Variants in SYNDIG1L observed in about 807,000 individuals in gnomAD.
SYNDIG1L encodes synapse differentiation-inducing gene protein 1-like.
In SYNDIG1L, 13 loss-of-function variants were observed where a neutral mutation model predicts 20.1. That is an observed-to-expected ratio of 0.65 (90% CI 0.42 to 1.03). SYNDIG1L has a LOEUF of 1.03. SYNDIG1L is among the 50% of genes least tolerant of loss of function. The pLI, the probability that SYNDIG1L is intolerant of heterozygous loss-of-function variation, is 0.00. For missense variants in SYNDIG1L, 294 were observed against 305.1 expected, an observed-to-expected ratio of 0.96 and a Z score of 0.27; for synonymous variants, 128 against 129.3, an observed-to-expected ratio of 0.99 and a Z score of 0.07.
the SYNDIG1L span, among the ~76,000 whole-genome samples, chr14:74,456,991 T>C: frequency 6.6e-6 from 1 of 152,184 alleles, no homozygotes. Flanking sequence ...GGAGGCGTAT[T>C]TAATGGGTTT....
the SYNDIG1L span, among the ~76,000 whole-genome samples, chr14:74,477,039 AACACAC>A: frequency 0.01 from 1,008 of 96,938 alleles, 29 homozygotes; most frequent in East Asian, 0.034. Flanking sequence ...CCCCATTCCC[AACACAC>A]ACACACACAC....
At chr14:74,463,574 A>T in the SYNDIG1L span, among the ~76,000 whole-genome samples, 1 of 152,156 alleles carries the variant, frequency 6.6e-6, no homozygotes, top group East Asian at 1.9e-4. Context: ...TACCTCAGCT[A>T]AAAGACGAGG....
the SYNDIG1L span, chr14:74,471,836 T>C: frequency 1.3e-5 from 2 of 152,216 alleles, no homozygotes; most frequent in African/African-American, 2.4e-5. Flanking sequence ...CTTCAATTCA[T>C]ACAGGATCCT....
At chr14:74,463,742 T>C in the SYNDIG1L span, among the ~76,000 whole-genome samples, 1 of 152,150 alleles carries the variant, frequency 6.6e-6, no homozygotes, top group African/African-American at 2.4e-5. Flanking sequence ...GACTGTTCTG[T>C]CTCCTTTAAC....
chr14:74,450,265 C>T, the SYNDIG1L span, among the ~76,000 whole-genome samples: 2 of 152,104 alleles, frequency 1.3e-5, no homozygotes, highest in African/African-American at 4.8e-5. Flanking sequence ...CAGATGGCTT[C>T]TCTGGTGAAC....
chr14:74,461,333 A>G, the SYNDIG1L span, among the ~76,000 whole-genome samples: 1 of 152,038 alleles, frequency 6.6e-6, no homozygotes, highest in Non-Finnish European at 1.5e-5. Context: ...TACTTTTTTC[A>G]ATACAGCACC....
At chr14:74,433,084 TAAC>T in the SYNDIG1L span, among the ~76,000 whole-genome samples, 1 of 152,348 alleles carries the variant, frequency 6.6e-6, no homozygotes, top group Admixed American at 6.5e-5. Context: ...CATTTCATCT[TAAC>T]AATACTTCAT....
At chr14:74,434,615 G>A in the SYNDIG1L span, among the ~76,000 whole-genome samples, 2 of 151,994 alleles carry the variant, frequency 1.3e-5, no homozygotes, top group South Asian at 4.2e-4. Context: ...ACTGGGAGGG[G>A]AAAGTGAATG....
upstream of SYNDIG1L, among the ~76,000 whole-genome samples, chr14:74,428,095 G>A (rs2086279739): frequency 6.6e-6 from 1 of 152,252 alleles, no homozygotes; most frequent in African/African-American, 2.4e-5. Flanking sequence ...CAAGGGCCCT[G>A]GCCTGGTGCC....
the SYNDIG1L span, among the ~76,000 whole-genome samples, chr14:74,438,798 T>C: frequency 1.3e-5 from 2 of 152,228 alleles, no homozygotes; most frequent in Non-Finnish European, 2.9e-5. Flanking sequence ...TGCCACGTTC[T>C]GTACAAAGTA....
At chr14:74,425,024 G>T (rs1246936831) in intron 1 of SYNDIG1L, among the ~76,000 whole-genome samples, 1 of 152,164 alleles carries the variant, frequency 6.6e-6, no homozygotes, top group Non-Finnish European at 1.5e-5. Flanking sequence ...TGGAGGGTGG[G>T]GATAAAGCAG....
At chr14:74,425,006 T>A (rs1188943080) in intron 1 of SYNDIG1L, among the ~76,000 whole-genome samples, 1 of 152,080 alleles carries the variant, frequency 6.6e-6, no homozygotes, top group Non-Finnish European at 1.5e-5. Context: ...AGGGAAGTTG[T>A]GTTGGGTTGG....
chr14:74,459,711 C>T, the SYNDIG1L span, among the ~76,000 whole-genome samples: 1 of 152,170 alleles, frequency 6.6e-6, no homozygotes. Flanking sequence ...CCTTGGCTAC[C>T]TCTACATTAG....
chr14:74,422,623 G>A (rs193192639), intron 1 of SYNDIG1L, among the ~76,000 whole-genome samples: 51 of 146,296 alleles, frequency 3.5e-4, no homozygotes, highest in Non-Finnish European at 7.4e-4. Flanking sequence ...GGACCTGCAT[G>A]TGTGTATTTC....
At chr14:74,414,750 C>G (rs1254867690) in intron 1 of SYNDIG1L, among the ~76,000 whole-genome samples, 1 of 152,104 alleles carries the variant, frequency 6.6e-6, no homozygotes, top group Non-Finnish European at 1.5e-5. Flanking sequence ...TCTAAATGCT[C>G]GTGTTGACTC....
intron 2 of SYNDIG1L, 62 bp from the exon 3 acceptor site, chr14:74,408,051 A>G: frequency 2.0e-6 from 3 of 1,523,764 alleles, no homozygotes; most frequent in Non-Finnish European, 2.6e-6. Flanking sequence ...CAGGCTGGCA[A>G]GAGGTTTTTT....
chr14:74,470,674 C>G, the SYNDIG1L span, among the ~76,000 whole-genome samples: 1 of 152,208 alleles, frequency 6.6e-6, no homozygotes, highest in Non-Finnish European at 1.5e-5. Context: ...ACACTGTCTC[C>G]TCCATCTCAG....
chr14:74,476,007 CTT>C, the SYNDIG1L span, among the ~76,000 whole-genome samples: 3 of 152,336 alleles, frequency 2.0e-5, no homozygotes, highest in East Asian at 5.8e-4. Context: ...GATGTTTTCT[CTT>C]TGTTTTAGTA....
chr14:74,473,611 C>T, the SYNDIG1L span, among the ~76,000 whole-genome samples: 2 of 152,140 alleles, frequency 1.3e-5, no homozygotes, highest in African/African-American at 4.8e-5. Context: ...ATGGCTTTGT[C>T]CCACTGGATT....
Sources: gnomAD v4.1 joint callset for allele counts (sites outside exome capture counted in the v4.1 genomes callset) on GRCh38, gnomAD v4.1.1 for gene constraint, MANE v1.5 for transcripts, NCBI Gene and HGNC (gene_info 2026-07-23, HGNC 2026-07-21) for gene names.